The following SARDH variants were observed in gnomAD, a reference collection of about 807,000 sequenced individuals.
SARDH encodes sarcosine dehydrogenase, mitochondrial.
A neutral mutation model predicts 109.1 loss-of-function variants in SARDH; 95 were observed. The ratio of observed to expected loss-of-function variants is 0.87; its 90% CI spans 0.74 to 1.03. SARDH has a LOEUF of 1.03. Ranked by LOEUF, SARDH falls within the 50% of genes least tolerant of loss-of-function variation. SARDH has a pLI of 0.00. For missense variants in SARDH, 1,267 were observed against 1,287.8 expected, an observed-to-expected ratio of 0.98 and a Z score of 0.25; for synonymous variants, 572 against 534.8, an observed-to-expected ratio of 1.07 and a Z score of -0.96.
rs544911500 is a variant in SARDH at position 133,730,976 on chromosome 9, C to T, written c.690+329G>A. 4.6e-5 allele frequency among the ~76,000 whole-genome samples: 7 copies of T among 152,240 alleles called. No homozygotes were observed. The East Asian group carries it at 1.4e-3, about 29-fold the overall frequency. ...TGGGCGACAGAGCGAGATACTGTCT[C>T]AAACAAACAAACAAAAAAATTGTTC... On this transcript the variant is annotated intron_variant, in intron 4 of 20. Coordinates refer to ENST00000439388, the MANE Select transcript of SARDH (RefSeq NM_001134707.2).
At chr9:133,667,205 T>TG (rs1830106093) in intron 19 of SARDH, 3 of 531,122 alleles carry the variant, frequency 5.6e-6, no homozygotes, top group Non-Finnish European at 9.9e-6. Context: ...TTTTTTTTTT[T>TG]TTTTTTTTTT....
intron 1 of SARDH, among the ~76,000 whole-genome samples, chr9:133,734,475 A>C (rs1832815248): frequency 6.6e-6 from 1 of 151,886 alleles, no homozygotes. Flanking sequence ...TCATTCATTC[A>C]TTCATTCTGT....
Position 133,732,463 on chromosome 9 carries a change from G to C in SARDH, c.470C>G (p.Ser157Cys). Residue 157 changes from serine to cysteine, a missense_variant, in exon 3 of 21, where the codon TCC (serine) becomes TGC (cysteine). Coordinates refer to ENST00000439388, the MANE Select transcript of SARDH (RefSeq NM_001134707.2). ...GTACTCGTCCAGGCGCTGCCGGTTG[G>C]ACGCGATGAAGAGGCCCCCATTCTG... ...WIQNGGLFIA[S>C]NRQRLDEYKR... is the part of the protein sequence containing the mutation. 6.2e-7 allele frequency: 1 copy of C among 1,613,718 alleles called. No individual in the cohort carries two copies. Among genetic ancestry groups the C allele is most frequent in the South Asian group, 1.1e-5 (1 of 91,060 alleles).
chr9:133,697,459 AAAGATATTAT>A (rs1300213754), intron 13 of SARDH, among the ~76,000 whole-genome samples: 1 of 152,250 alleles, frequency 6.6e-6, no homozygotes, highest in East Asian at 1.9e-4. Flanking sequence ...AAAAGCAGAA[AAAGATATTAT>A]AAGAAAACTA....
rs547518238 is a variant in SARDH, at chr9:133,702,832, C to A, written c.1668+84G>T. 7.1e-6 allele frequency: 9 copies of A among 1,274,080 alleles called. No homozygotes were observed. In the South Asian group the frequency reaches 1.1e-4, roughly 16 times the overall value. The allele number at this position is 1,274,080 out of a possible 1,614,324, so 78.9% of individuals were successfully genotyped here. On this transcript the variant is annotated intron_variant, in intron 13 of 20. Transcript: ENST00000439388. Reference sequence around the variant, plus strand: ...GACTCCTGGGGGAGGGGAGCCCCTGCAGGGCCAGCCGAGGGCCGGCGCAAT... The same window carrying A: ...GACTCCTGGGGGAGGGGAGCCCCTGAAGGGCCAGCCGAGGGCCGGCGCAAT...
chr9:133,733,758 C>G, intron 2 of SARDH, 85 bp downstream of exon 2: 1 of 1,304,448 alleles, frequency 7.7e-7, no homozygotes, highest in Non-Finnish European at 1.0e-6. Context: ...TTGTTGTGAA[C>G]CAAGAACTGT....
intron 6 of SARDH, among the ~76,000 whole-genome samples, chr9:133,729,498 G>C (rs998545397): frequency 6.6e-6 from 1 of 152,292 alleles, no homozygotes; most frequent in Non-Finnish European, 1.5e-5. Context: ...GGACAGGCTG[G>C]ACTGTGTTCT....
intron 1 of SARDH, among the ~76,000 whole-genome samples, chr9:133,734,657 C>T (rs1242368579): frequency 6.6e-6 from 1 of 152,106 alleles, no homozygotes; most frequent in Non-Finnish European, 1.5e-5. Context: ...GCGTGGCTGG[C>T]AGAGATCCAA....
At chr9:133,664,125 A>AGGT in intron 20 of SARDH, 111 bp from the exon 21 acceptor site, 1 of 1,422,612 alleles carries the variant, frequency 7.0e-7, no homozygotes, top group Non-Finnish European at 9.5e-7. Context: ...CCCTGTGGGC[A>AGGT]AACTCATCCC....
intron 3 of SARDH, among the ~76,000 whole-genome samples, chr9:133,731,841 A>T (rs1173852024): frequency 6.6e-6 from 1 of 152,196 alleles, no homozygotes; most frequent in Non-Finnish European, 1.5e-5. Context: ...CTATTATATA[A>T]GATAAATAAC....
chr9:133,715,108 C>T (rs1416430179), intron 8 of SARDH, among the ~76,000 whole-genome samples: 1 of 152,160 alleles, frequency 6.6e-6, no homozygotes, highest in Non-Finnish European at 1.5e-5. Context: ...TCTGCCTGCC[C>T]TCCCAGGCGC....
chr9:133,662,378 G>A (rs1190062782), downstream of SARDH, among the ~76,000 whole-genome samples: 6 of 152,100 alleles, frequency 3.9e-5, no homozygotes, highest in Non-Finnish European at 7.4e-5. The surrounding 1 kb of genome is among the most constrained non-coding windows in gnomAD (Gnocchi z 5.1). Flanking sequence ...CCGCAGACCC[G>A]GAGGAAGCAG....
At chr9:133,673,085 GGCACACCCT>G (rs1189728928) in intron 17 of SARDH, among the ~76,000 whole-genome samples, 21 of 152,356 alleles carry the variant, frequency 1.4e-4, no homozygotes, top group African/African-American at 4.3e-4. Context: ...GCAGGGCCTA[GGCACACCCT>G]GCTCCGCTGA....
Position 133,717,423 on chromosome 9 carries a change from G to C in SARDH, c.1053C>G (p.Asp351Glu). 6.2e-7 allele frequency: 1 copy of C among 1,614,122 alleles called. No individual in the cohort carries two copies. Among genetic ancestry groups the C allele is most frequent in the South Asian group, 1.1e-5 (1 of 91,086 alleles). ...GCTGGGTGAACACCTCCCAGTCCAGGTCAAAGAGGCCGAAGGCAAACTTGT... is the reference window on the plus strand; with the variant it reads ...GCTGGGTGAACACCTCCCAGTCCAGCTCAAAGAGGCCGAAGGCAAACTTGT... The part of the protein sequence containing the change: ...VSDKFAFGLF[D>E]LDWEVFTQHI... Residue 351 changes from aspartate to glutamate, a missense_variant, in exon 8 of 21, where the codon GAC becomes GAG. Asp to Glu is a conservative substitution (Grantham distance 45). Coordinates refer to ENST00000439388, the MANE Select transcript of SARDH (RefSeq NM_001134707.2).
chr9:133,720,634 A>G (rs2131472427), intron 6 of SARDH, among the ~76,000 whole-genome samples: 1 of 147,544 alleles, frequency 6.8e-6, no homozygotes, highest in East Asian at 2.0e-4. Context: ...CATGTCTTAC[A>G]TGGCAGCAGG....
intron 6 of SARDH, among the ~76,000 whole-genome samples, chr9:133,719,389 G>A (rs537766666): frequency 7.8e-4 from 119 of 152,180 alleles, no homozygotes; most frequent in Non-Finnish European, 1.5e-3. Context: ...GAGGATGGGA[G>A]ATTCCAACCA....
intron 16 of SARDH, among the ~76,000 whole-genome samples, chr9:133,688,131 C>A (rs927453894): frequency 2.0e-5 from 3 of 152,342 alleles, no homozygotes; most frequent in African/African-American, 7.2e-5. Context: ...TTCCAAGGAC[C>A]AGGCCTTGAC....
Position 133,686,086 on chromosome 9 carries a change from CG to C in SARDH, c.2070-801del, listed in dbSNP as rs1830875189. On this transcript the variant is annotated intron_variant, in intron 16 of 20. Coordinates refer to ENST00000439388, the MANE Select transcript of SARDH (RefSeq NM_001134707.2). This position sits in a 1 kb window ranked among gnomAD's most constrained non-coding sequence, Gnocchi z 4.0. ...TGAGTGCCACAGTGCTATGAGGGCC[CG>C]GGAATGTTCCTGAGCACTGGACACT... is the stretch of plus-strand genomic sequence containing the variant. 6.6e-6 allele frequency among the ~76,000 whole-genome samples: 1 copy of C among 152,160 alleles called. No homozygotes were observed. The highest frequency in any genetic ancestry group is 1.5e-5 in the Non-Finnish European group (1 of 68,006).
chr9:133,728,512 C>T lies in SARDH; in HGVS notation c.915+1253G>A, dbSNP rs1050636513. Among the ~76,000 whole-genome samples the T allele has an allele frequency of 1.6e-4, 25 of 152,306 alleles. No homozygotes were observed. The highest frequency in any genetic ancestry group is 5.8e-4 in the African/African-American group (24 of 41,570). The stretch of plus-strand genomic sequence containing the variant: ...CTGTGCACGCTCCTTGTCCACCATG[C>T]CACCCTCAAGAGCCTCACCTAGATG... On this transcript the variant is annotated intron_variant, in intron 6 of 20. Transcript: ENST00000439388. This position sits in a 1 kb window ranked among gnomAD's most constrained non-coding sequence, Gnocchi z 5.0.
Sources: allele counts gnomAD v4.1 joint callset (sites outside exome capture counted in the v4.1 genomes callset), GRCh38; gene constraint gnomAD v4.1.1; non-coding constraint Gnocchi (gnomAD v3.1); transcripts MANE v1.5; gene names NCBI Gene and HGNC (gene_info 2026-07-23, HGNC 2026-07-21).